PRKG1: variants seen among roughly 807,000 people sequenced by gnomAD.
PRKG1 encodes cGMP-dependent protein kinase 1.
Under a neutral mutation model 88.1 loss-of-function variants are expected in PRKG1, and 35 were observed. The ratio of observed to expected loss-of-function variants is 0.40; its 90% confidence interval spans 0.30 to 0.53. The LOEUF is 0.53. PRKG1 is among the 20% of genes least tolerant of loss of function. PRKG1 has a pLI of 0.59. For missense variants in PRKG1, 540 were observed against 839.8 expected (o/e 0.64, Z 4.41); for synonymous variants, 303 against 292.5 (o/e 1.04, Z -0.37).
chr10:51,288,241 T>C (rs760833957), intron 2 of PRKG1, among the ~76,000 whole-genome samples: 1 of 152,188 alleles, frequency 6.6e-6, no homozygotes, highest in Non-Finnish European at 1.5e-5. Context: ...AGTGTGCTTT[T>C]CGGGAGTCAC....
chr10:51,094,427 G>A (rs1255588769), intron 1 of PRKG1, among the ~76,000 whole-genome samples: 2 of 151,956 alleles, frequency 1.3e-5, no homozygotes, highest in Non-Finnish European at 2.9e-5. Context: ...TTGGTTTTGA[G>A]CTATGAATAT....
At chr10:52,264,827 CT>C (rs1167476626) in intron 10 of PRKG1, among the ~76,000 whole-genome samples, 4 of 152,018 alleles carry the variant, frequency 2.6e-5, no homozygotes, top group Admixed American at 2.6e-4. Context: ...AAACCAATCC[CT>C]TCATATGTTG....
chr10:51,321,969 C>T (rs1841469091), intron 2 of PRKG1, among the ~76,000 whole-genome samples: 1 of 152,168 alleles, frequency 6.6e-6, no homozygotes, highest in Non-Finnish European at 1.5e-5. Flanking sequence ...TCTTGCATCA[C>T]ATTAAATTCT....
intron 1 of PRKG1, among the ~76,000 whole-genome samples, chr10:51,113,632 A>G (rs1845029743): frequency 6.6e-6 from 1 of 151,782 alleles, no homozygotes; most frequent in African/African-American, 2.4e-5. Context: ...TGCAGTTTGC[A>G]TAGTCAAATT....
rs114124958 is a variant in PRKG1, at chr10:52,112,168, G to T, written c.936-21672G>T. Among the ~76,000 whole-genome samples the T allele has an allele frequency of 1.9e-3, 286 of 152,116 alleles. 1 individual carries two copies. Among genetic ancestry groups the T allele is most frequent in the African/African-American group, 5.9e-3 (245 of 41,494 alleles). ...AGATTCTATCAGTATTTTAAAATCT[G>T]GTCAATATCTCCTTTTTCACATACT... is the stretch of plus-strand genomic sequence containing the variant. On this transcript the variant is annotated intron_variant, in intron 7 of 17. Transcript: ENST00000373980.
chr10:51,925,447 G>A (rs115379018), intron 5 of PRKG1, among the ~76,000 whole-genome samples: 4,315 of 152,100 alleles, frequency 0.028, 110 homozygotes, highest in Admixed American at 0.073. Flanking sequence ...CCTGTGTTTA[G>A]GTGTCAGTAT....
chr10:52,283,705 A>G (rs899680755), intron 14 of PRKG1, among the ~76,000 whole-genome samples: 13 of 152,236 alleles, frequency 8.5e-5, no homozygotes, highest in African/African-American at 2.6e-4. Context: ...ATGACCAATT[A>G]AGTAGACCTG....
chr10:52,269,695 A>C (rs1841667057), intron 10 of PRKG1, among the ~76,000 whole-genome samples: 2 of 152,132 alleles, frequency 1.3e-5, no homozygotes, highest in Non-Finnish European at 2.9e-5. Context: ...TTACTCCCAA[A>C]TAATATGGGC....
At position 52,239,321 on chromosome 10, in the gene PRKG1, TA is replaced by T. The variant is rs1216160111; in HGVS notation, c.1077-12240del. Among the ~76,000 whole-genome samples the T allele has an allele frequency of 3.7e-3, 432 of 116,802 alleles. 1 individual carries two copies. Among genetic ancestry groups the T allele is most frequent in the East Asian group, 6.0e-3 (24 of 4,026 alleles). 76.6% of individuals were successfully genotyped at this position (116,802 alleles called of 152,430 possible). On this transcript the variant is annotated intron_variant, in intron 9 of 17. Coordinates refer to ENST00000373980, the MANE Select transcript of PRKG1 (RefSeq NM_006258.4). Reference sequence around the variant, plus strand: ...ATGTACCCTAAAACTTAAAGTATAATAAAAAAAAATAAATAAATAAAATTAA... The same window carrying T: ...ATGTACCCTAAAACTTAAAGTATAATAAAAAAAATAAATAAATAAAATTAA...
chr10:51,412,295 C>G (rs1258408103), intron 2 of PRKG1, among the ~76,000 whole-genome samples: 1 of 151,476 alleles, frequency 6.6e-6, no homozygotes, highest in African/African-American at 2.4e-5. Context: ...GGAAAAAACA[C>G]AAAACTCAAA....
chr10:51,727,553 A>G (rs769001688), intron 3 of PRKG1, among the ~76,000 whole-genome samples: 5 of 152,180 alleles, frequency 3.3e-5, no homozygotes, highest in Non-Finnish European at 7.3e-5. Context: ...TTCCGTTGAC[A>G]TTAATGTTTT....
At chr10:52,063,317 C>T (rs549445673) in intron 7 of PRKG1, among the ~76,000 whole-genome samples, 29 of 152,196 alleles carry the variant, frequency 1.9e-4, no homozygotes, top group Admixed American at 4.6e-4. Context: ...AAGGCTGCGG[C>T]CGAACCAGGC....
At chr10:51,212,298 C>T (rs1838244285) in intron 2 of PRKG1, among the ~76,000 whole-genome samples, 3 of 152,106 alleles carry the variant, frequency 2.0e-5, no homozygotes, top group Admixed American at 2.0e-4. Context: ...TTCCTTACAC[C>T]TTATACAAAA....
At chr10:51,822,628 GT>G (rs1839779077) in intron 4 of PRKG1, among the ~76,000 whole-genome samples, 4 of 152,096 alleles carry the variant, frequency 2.6e-5, no homozygotes, top group Non-Finnish European at 5.9e-5. Context: ...ATAATGTTCT[GT>G]GTCCCACCAG....
intron 2 of PRKG1, among the ~76,000 whole-genome samples, chr10:51,278,363 C>G (rs1232812649): frequency 6.6e-6 from 1 of 152,082 alleles, no homozygotes; most frequent in Non-Finnish European, 1.5e-5. Flanking sequence ...TGCCCGTATT[C>G]TGTTGAGGAT....
intron 7 of PRKG1, among the ~76,000 whole-genome samples, chr10:52,089,197 T>C (rs1846990807): frequency 6.6e-6 from 1 of 152,136 alleles, no homozygotes. Context: ...ACTGGGTAAC[T>C]TGACTTTTAA....
chr10:52,101,906 C>T (rs1847302144), intron 7 of PRKG1, among the ~76,000 whole-genome samples: 1 of 152,194 alleles, frequency 6.6e-6, no homozygotes, highest in South Asian at 2.1e-4. Flanking sequence ...GAAGAGGAGT[C>T]AGCACCAGGA....
intron 1 of PRKG1, among the ~76,000 whole-genome samples, chr10:51,000,347 C>G (rs115621398): frequency 3.3e-3 from 497 of 152,290 alleles, no homozygotes; most frequent in African/African-American, 0.011. Context: ...AATCCACAGA[C>G]AGTCTTGTCT....
chr10:51,149,867 C>T (rs562153755), intron 1 of PRKG1, among the ~76,000 whole-genome samples: 14 of 152,078 alleles, frequency 9.2e-5, no homozygotes, highest in South Asian at 2.1e-4. Flanking sequence ...TGGCTTCCTC[C>T]GCTTTTCTCC....
Sources: gnomAD v4.1 joint callset for allele counts (sites outside exome capture counted in the v4.1 genomes callset) on GRCh38, gnomAD v4.1.1 for gene constraint, MANE v1.5 for transcripts, NCBI Gene and HGNC (gene_info 2026-07-23, HGNC 2026-07-21) for gene names.